ERVFRD-1: variants seen among roughly 807,000 people sequenced by gnomAD.
The protein encoded by ERVFRD-1 is syncytin-2.
ERVFRD-1 carries 33 observed loss-of-function variants against 43.8 expected under a neutral mutation model. The ratio of observed to expected loss-of-function variants is 0.75; its 90% CI spans 0.57 to 1.01. ERVFRD-1 has a LOEUF of 1.01. Ranked by LOEUF, ERVFRD-1 falls within the 50% of genes least tolerant of loss-of-function variation. ERVFRD-1 has a pLI of 0.00. For missense variants in ERVFRD-1, 568 were observed against 658.4 expected (o/e 0.86, Z 1.50); for synonymous variants, 239 against 244.4 (o/e 0.98, Z 0.21).
rs35281611 is a variant in ERVFRD-1 at position 11,102,999 on chromosome 6, G to T, written c.*695C>A. 28,790 of 152,088 alleles carry T rather than the reference G, an allele frequency of 0.19. 3,097 individuals are homozygous for T. The highest frequency in any genetic ancestry group is 0.29 in the African/African-American group (12,123 of 41,410). 9.4% of individuals were successfully genotyped at this position (152,088 alleles called of 1,614,324 possible). On this transcript the variant is annotated 3_prime_UTR_variant, in exon 2 of 2. Transcript: ENST00000472091. The stretch of plus-strand genomic sequence containing the variant: ...ACTTGGGGTTTTATACATTGGCATT[G>T]TTCCGGGGTTTCCATTTCTCCTCCT...
rs1561752341 is a variant in ERVFRD-1 at position 11,103,999 on chromosome 6, A to G, written c.1312T>C (p.Cys438Arg). The change falls in exon 2 of 2, where the codon TGT (cysteine) becomes CGT (arginine). Residue 438 changes from cysteine to arginine, a missense_variant. Physicochemically the swap from Cys to Arg is radical, Grantham distance 180. Coordinates refer to ENST00000472091, the MANE Select transcript of ERVFRD-1 (RefSeq NM_207582.3). ...GGICLALDEK[C>R]CFWVNQSGKV... ...CCTGATTGATTTACCCAAAAGCAACATTTTTCATCTAAGGCCAAACAAATT... is the reference window on the plus strand; with the variant it reads ...CCTGATTGATTTACCCAAAAGCAACGTTTTTCATCTAAGGCCAAACAAATT... 1.3e-6 allele frequency: 2 copies of G among 1,551,580 alleles called. No homozygotes were observed. Among genetic ancestry groups the G allele is most frequent in the African/African-American group, 1.4e-5 (1 of 73,126 alleles).
intron 1 of ERVFRD-1, among the ~76,000 whole-genome samples, chr6:11,111,365 T>C (rs543277256): frequency 6.6e-6 from 1 of 152,210 alleles, no homozygotes; most frequent in East Asian, 1.9e-4. Flanking sequence ...CTGATTTTAG[T>C]TGAAAAAGCA....
intron 1 of ERVFRD-1, among the ~76,000 whole-genome samples, chr6:11,106,338 T>C (rs1426571799): frequency 6.6e-6 from 1 of 152,244 alleles, no homozygotes; most frequent in Non-Finnish European, 1.5e-5. Context: ...CCGCAGGGTA[T>C]GTACCTCTCC....
chr6:11,103,679 G>T lies in ERVFRD-1; in HGVS notation c.*15C>A. 1 of 1,544,326 alleles carries T rather than the reference G, an allele frequency of 6.5e-7. No individual in the cohort carries two copies. The highest frequency in any genetic ancestry group is 2.4e-5 in the East Asian group (1 of 40,872). ...CTCTGTCGTGTTCCACTAGCGAGCAGTCTAGGGGTCCTCCTTAGAAGGGTG... is the reference window on the plus strand; with the variant it reads ...CTCTGTCGTGTTCCACTAGCGAGCATTCTAGGGGTCCTCCTTAGAAGGGTG... On this transcript the variant is annotated 3_prime_UTR_variant, in exon 2 of 2. Transcript: ENST00000472091.
chr6:11,110,023 C>T (rs1404176396), intron 1 of ERVFRD-1, among the ~76,000 whole-genome samples: 1 of 152,160 alleles, frequency 6.6e-6, no homozygotes, highest in Non-Finnish European at 1.5e-5. Context: ...CCAGTGCTTA[C>T]CAGGTACCCC....
chr6:11,106,741 C>G (rs1308589308), intron 1 of ERVFRD-1, among the ~76,000 whole-genome samples: 3 of 152,200 alleles, frequency 2.0e-5, no homozygotes, highest in Non-Finnish European at 4.4e-5. Flanking sequence ...GTTAGCTAAC[C>G]TATTTCCCTA....
Position 11,105,520 on chromosome 6 carries a change from A to G in ERVFRD-1, c.-210T>C. On this transcript the variant is annotated 5_prime_UTR_variant, in exon 2 of 2. Coordinates refer to ENST00000472091, the MANE Select transcript of ERVFRD-1 (RefSeq NM_207582.3). Reference sequence around the variant, plus strand: ...AATTTTAGATCTTCCAGTGCCTTGCAAGTGTATTCCGGAGCTGAGGTTGCT... The same window carrying G: ...AATTTTAGATCTTCCAGTGCCTTGCGAGTGTATTCCGGAGCTGAGGTTGCT... 1.8e-6 allele frequency: 1 copy of G among 540,796 alleles called. No individual in the cohort carries two copies. Among genetic ancestry groups the G allele is most frequent in the Non-Finnish European group, 3.4e-6 (1 of 294,828 alleles). The allele number at this position is 540,796 out of a possible 1,614,324, so 33.5% of individuals were successfully genotyped here.
Position 11,104,004 on chromosome 6 carries a change from T to C in ERVFRD-1, c.1307A>G (p.Glu436Gly), listed in dbSNP as rs1302026268. 3 of 1,551,712 alleles carry C rather than the reference T, an allele frequency of 1.9e-6. No individual in the cohort carries two copies. The highest frequency in any genetic ancestry group is 1.7e-6 in the Non-Finnish European group (2 of 1,146,988). Reference protein sequence around the residue: ...AQGGICLALDEKCCFWVNQSG... With the variant: ...AQGGICLALDGKCCFWVNQSG... The stretch of plus-strand genomic sequence containing the variant: ...TTGATTTACCCAAAAGCAACATTTT[T>C]CATCTAAGGCCAAACAAATTCCTCC... Residue 436 changes from glutamate to glycine, a missense_variant, in exon 2 of 2, where the codon GAA (glutamate) becomes GGA (glycine). By Grantham distance (98) the Glu-to-Gly change is moderately conservative (BLOSUM62 -2). Coordinates refer to ENST00000472091, the MANE Select transcript of ERVFRD-1 (RefSeq NM_207582.3).
At chr6:11,110,614 C>G (rs1392569961) in intron 1 of ERVFRD-1, among the ~76,000 whole-genome samples, 6 of 152,086 alleles carry the variant, frequency 3.9e-5, no homozygotes, top group African/African-American at 1.4e-4. Context: ...CTTCATCCTC[C>G]CAGGGTAACA....
rs1254445393 is a variant in ERVFRD-1, at chr6:11,103,745, CG to C, written c.1565del (p.Thr522ArgfsTer22). 1 of 1,551,490 alleles carries C rather than the reference CG, an allele frequency of 6.4e-7. No individual in the cohort carries two copies. The highest frequency in any genetic ancestry group is 8.7e-7 in the Non-Finnish European group (1 of 1,146,968). ...SSRLQAIKLQTNLSAGRHPRN... is the reference protein window; with the variant it reads ...SSRLQAIKLQXNLSAGRHPRN... ...GAGGATGGCGTCCTGCACTGAGATT[CG>C]TCTGGAGCTTTATGGCCTGAAGGCG... On this transcript the variant is annotated frameshift_variant, in exon 2 of 2. Transcript: ENST00000472091. LOFTEE classifies it high-confidence loss of function.
intron 1 of ERVFRD-1, among the ~76,000 whole-genome samples, chr6:11,106,278 C>T (rs1758081379): frequency 6.6e-6 from 1 of 152,206 alleles, no homozygotes; most frequent in Non-Finnish European, 1.5e-5. Flanking sequence ...CCACGAGGTA[C>T]TTAAACCTGT....
rs2113643256 is a variant in ERVFRD-1 at position 11,104,363 on chromosome 6, A to C, written c.948T>G (p.Thr316=). ...CTGGGGTTACATAGCCTATGGTACA[A>C]GTTCCAGTCCAGTTACTGGGGAGGC... ...HQCLPSNWTG[T]CTIGYVTPDI... Residue 316 remains threonine (T), a synonymous_variant, in exon 2 of 2, where the codon ACT becomes ACG. Transcript: ENST00000472091. 2 of 1,551,744 alleles carry C rather than the reference A, an allele frequency of 1.3e-6. No homozygotes were observed. Among genetic ancestry groups the C allele is most frequent in the Non-Finnish European group, 1.7e-6 (2 of 1,147,000 alleles).
rs1426117323 is a variant in ERVFRD-1 at position 11,104,874 on chromosome 6, T to C, written c.437A>G (p.Asn146Ser). Residue 146 changes from asparagine (N) to serine (S), a missense_variant, in exon 2 of 2, where the codon AAT becomes AGT. Asn to Ser is a conservative substitution (Grantham distance 46, BLOSUM62 1). Transcript: ENST00000472091. The part of the protein sequence containing the change: ...NVGTLPSTVC[N>S]VTFTVDSNQQ... ...GTTAGAATCTACAGTGAAAGTAACATTACAGACTGTACTTGGAAGAGTGCC... is the reference window on the plus strand; with the variant it reads ...GTTAGAATCTACAGTGAAAGTAACACTACAGACTGTACTTGGAAGAGTGCC... 6.2e-7 allele frequency: 1 copy of C among 1,614,234 alleles called. No homozygotes were observed. The highest frequency in any genetic ancestry group is 1.7e-5 in the Admixed American group (1 of 60,022).
At position 11,104,061 on chromosome 6, in the gene ERVFRD-1, C is replaced by G; in HGVS notation, c.1250G>C (p.Arg417Pro). ...TGCCGTTAACATGTCTAGTCCTCGACGATTTTGAAGGACTACGGCTGCTAA... is the reference window on the plus strand; with the variant it reads ...TGCCGTTAACATGTCTAGTCCTCGAGGATTTTGAAGGACTACGGCTGCTAA... ...DSLAAVVLQN[R>P]RGLDMLTAAQ... Residue 417 changes from arginine to proline, a missense_variant, in exon 2 of 2, where the codon CGT becomes CCT. Arg to Pro is a moderately radical substitution (Grantham distance 103, BLOSUM62 -2). Transcript: ENST00000472091. 1.3e-6 allele frequency: 2 copies of G among 1,551,696 alleles called. No homozygotes were observed. The highest frequency in any genetic ancestry group is 1.7e-6 in the Non-Finnish European group (2 of 1,146,998).
rs141726128 is a variant in ERVFRD-1 at position 11,105,175 on chromosome 6, A to C, written c.136T>G (p.Cys46Gly). 6 of 1,614,088 alleles carry C rather than the reference A, an allele frequency of 3.7e-6. No individual in the cohort carries two copies. In the East Asian group the frequency reaches 8.9e-5, roughly 24 times the overall value. ...GSPYSTNCWL[C>G]TSSSTETPGT... ...GGTGTTTCAGTGGAAGAGCTAGTAC[A>C]TAACCAGCAATTGGTGGAGTAAGGG... Residue 46 changes from cysteine (C) to glycine (G), a missense_variant, in exon 2 of 2, where the codon TGT becomes GGT. Coordinates refer to ENST00000472091, the MANE Select transcript of ERVFRD-1 (RefSeq NM_207582.3).
chr6:11,110,501 G>T, intron 1 of ERVFRD-1, among the ~76,000 whole-genome samples: 1 of 152,156 alleles, frequency 6.6e-6, no homozygotes, highest in East Asian at 1.9e-4. Flanking sequence ...CTGCAAGGGG[G>T]CTGGACTTCT....
At position 11,104,343 on chromosome 6, in the gene ERVFRD-1, G is replaced by T. The variant is rs1459314366; in HGVS notation, c.968C>A (p.Thr323Asn). 1 of 1,551,706 alleles carries T rather than the reference G, an allele frequency of 6.4e-7. No homozygotes were observed. The highest frequency in any genetic ancestry group is 1.4e-5 in the African/African-American group (1 of 73,164). The change falls in exon 2 of 2, where the codon ACC becomes AAC. Residue 323 changes from threonine to asparagine, a missense_variant. Thr to Asn is a moderately conservative substitution (Grantham distance 65). Transcript: ENST00000472091. The stretch of plus-strand genomic sequence containing the variant: ...GCCAGGGGCTATGAAGATGTCTGGG[G>T]TTACATAGCCTATGGTACAAGTTCC... ...WTGTCTIGYVTPDIFIAPGNL... is the reference protein window; with the variant it reads ...WTGTCTIGYVNPDIFIAPGNL...
intron 1 of ERVFRD-1, among the ~76,000 whole-genome samples, chr6:11,107,602 C>G (rs564491031): frequency 6.6e-6 from 1 of 152,046 alleles, no homozygotes; most frequent in African/African-American, 2.4e-5. Flanking sequence ...GAGGATGGGT[C>G]GAGGGGGAGA....
rs568726467 is a variant in ERVFRD-1 at position 11,107,763 on chromosome 6, C to T, written c.-320-2133G>A. On this transcript the variant is annotated intron_variant, in intron 1 of 1. Coordinates refer to ENST00000472091, the MANE Select transcript of ERVFRD-1 (RefSeq NM_207582.3). ...AGGTCCTGGACTAGCCTGTATTTTT[C>T]ATTGCTCTTTTTAACAGGTAAGATG... 2.4e-4 allele frequency among the ~76,000 whole-genome samples: 36 copies of T among 152,292 alleles called. No individual in the cohort carries two copies. The South Asian group carries it at 5.8e-3, about 25-fold the overall frequency.
Sources: gnomAD v4.1 joint callset for allele counts (sites outside exome capture counted in the v4.1 genomes callset) on GRCh38, gnomAD v4.1.1 for gene constraint, MANE v1.5 for transcripts, NCBI Gene and HGNC (gene_info 2026-07-23, HGNC 2026-07-21) for gene names.